PTPRD: variants seen among roughly 807,000 people sequenced by gnomAD.
PTPRD encodes the protein receptor-type tyrosine-protein phosphatase delta.
In PTPRD, 34 loss-of-function variants were observed where a neutral mutation model predicts 214.5. The observed-to-expected ratio is 0.16, with a 90% CI of 0.12 to 0.21. PTPRD has a LOEUF of 0.21. PTPRD is among the 10% of genes least tolerant of loss of function. The pLI is 1.00. For missense variants in PTPRD, 2,545 were observed against 2,398.7 expected (o/e 1.06, Z -1.27); for synonymous variants, 1,128 against 845.7 (o/e 1.33, Z -5.79).
At position 10,582,291 on chromosome 9, in the gene PTPRD, C is replaced by A. The variant is rs190850520; in HGVS notation, c.-600+30107G>T. Among the ~76,000 whole-genome samples, 512 of 152,162 alleles carry A rather than the reference C, an allele frequency of 3.4e-3. 4 individuals carry two copies. The highest frequency in any genetic ancestry group is 0.012 in the African/African-American group (480 of 41,508). On this transcript the variant is annotated intron_variant, in intron 2 of 45. Transcript: ENST00000381196. ...CTATACCGGACCTTGTTTTTTCATA[C>A]CTCTGTCCTCATATTTTCCTTTTCT...
chr9:10,117,322 G>C (rs2098738239), intron 3 of PTPRD, among the ~76,000 whole-genome samples: 2 of 152,062 alleles, frequency 1.3e-5, no homozygotes, highest in Admixed American at 6.6e-5. Context: ...TATTCCTTTA[G>C]CATACTTGTT....
chr9:10,156,688 T>C (rs72696934), intron 3 of PTPRD, among the ~76,000 whole-genome samples: 1 of 152,278 alleles, frequency 6.6e-6, no homozygotes, highest in Non-Finnish European at 1.5e-5. Flanking sequence ...TCAATATCTT[T>C]GTTAATTTTC....
chr9:8,709,459 G>C (rs2098280117), intron 12 of PTPRD, among the ~76,000 whole-genome samples: 1 of 145,462 alleles, frequency 6.9e-6, no homozygotes, highest in Admixed American at 7.1e-5. Context: ...AGCTTGCAGT[G>C]AGCCAAGATC....
At chr9:8,853,696 A>G (rs1047298822) in intron 11 of PTPRD, among the ~76,000 whole-genome samples, 5 of 152,202 alleles carry the variant, frequency 3.3e-5, no homozygotes, top group African/African-American at 1.2e-4. Flanking sequence ...GTTACATAGG[A>G]ATTCTCAATC....
chr9:10,264,204 G>C (rs932635661), intron 3 of PTPRD, among the ~76,000 whole-genome samples: 1 of 152,190 alleles, frequency 6.6e-6, no homozygotes, highest in Non-Finnish European at 1.5e-5. Flanking sequence ...CCCCCACATA[G>C]AGTCCCCACT....
At chr9:8,827,135 A>G (rs1318459429) in intron 11 of PTPRD, among the ~76,000 whole-genome samples, 2 of 151,586 alleles carry the variant, frequency 1.3e-5, no homozygotes, top group African/African-American at 2.4e-5. Flanking sequence ...TTCTGATAAA[A>G]TATTATCATA....
At chr9:8,509,749 T>C (rs2097636838) in intron 21 of PTPRD, among the ~76,000 whole-genome samples, 1 of 152,220 alleles carries the variant, frequency 6.6e-6, no homozygotes. Flanking sequence ...ACAAGCTTTG[T>C]CTGATCATCT....
intron 2 of PTPRD, among the ~76,000 whole-genome samples, chr9:10,419,945 A>T (rs2098530520): frequency 1.3e-5 from 2 of 151,832 alleles, no homozygotes; most frequent in Admixed American, 1.3e-4. Context: ...TCAGCTCCAC[A>T]ATTGCTCAAC....
Position 9,624,745 on chromosome 9 carries a change from G to A in PTPRD, c.-286-49964C>T, listed in dbSNP as rs1275435251. Among the ~76,000 whole-genome samples, 2 of 151,910 alleles carry A rather than the reference G, an allele frequency of 1.3e-5. 1 individual carries two copies. The highest frequency in any genetic ancestry group is 4.8e-5 in the African/African-American group (2 of 41,350). On this transcript the variant is annotated intron_variant, in intron 7 of 45. Coordinates refer to ENST00000381196, the MANE Select transcript of PTPRD (RefSeq NM_002839.4). The stretch of plus-strand genomic sequence containing the variant: ...ATATTATCAAACAGATGCAGATCTG[G>A]GGAGTTTCCAGCAGTCTCAGTTCTC...
intron 39 of PTPRD, among the ~76,000 whole-genome samples, chr9:8,351,225 T>C (rs946488674): frequency 1.3e-5 from 2 of 152,166 alleles, no homozygotes; most frequent in Non-Finnish European, 2.9e-5. Flanking sequence ...ACAATATATA[T>C]AACATAACAC....
At chr9:9,623,092 T>G (rs2154354047) in intron 7 of PTPRD, among the ~76,000 whole-genome samples, 1 of 152,370 alleles carries the variant, frequency 6.6e-6, no homozygotes. Flanking sequence ...AGAAGAGATT[T>G]ATAAATCCTT....
Position 8,470,976 on chromosome 9 carries a change from C to G in PTPRD, c.3504+19G>C, listed in dbSNP as rs767014202. ...ATTAAATAACGAATAAAAGACATGG[C>G]CAACAATGACACAGTTACCTCATCT... On this transcript the variant is annotated intron_variant, in intron 31 of 45. Transcript: ENST00000381196. 1.9e-6 allele frequency: 3 copies of G among 1,598,296 alleles called. No homozygotes were observed. Among genetic ancestry groups the G allele is most frequent in the Non-Finnish European group, 8.6e-7 (1 of 1,165,986 alleles).
At chr9:8,689,733 C>T (rs1162777430) in intron 12 of PTPRD, among the ~76,000 whole-genome samples, 2 of 152,060 alleles carry the variant, frequency 1.3e-5, no homozygotes, top group African/African-American at 2.4e-5. Flanking sequence ...GATGTAATAT[C>T]CTATTTGGTT....
intron 43 of PTPRD, among the ~76,000 whole-genome samples, chr9:8,333,012 G>C (rs1843001622): frequency 6.6e-6 from 1 of 150,810 alleles, no homozygotes; most frequent in South Asian, 2.1e-4. Context: ...GAAGAGAGAG[G>C]ATCTCAGTGT....
At chr9:8,964,083 T>A (rs978796057) in intron 11 of PTPRD, among the ~76,000 whole-genome samples, 4 of 151,268 alleles carry the variant, frequency 2.6e-5, no homozygotes, top group Admixed American at 6.6e-5. Context: ...CATAGAGGAG[T>A]CCCTCCTCCT....
chr9:9,341,283 C>A (rs1428822425), intron 9 of PTPRD, among the ~76,000 whole-genome samples: 1 of 152,106 alleles, frequency 6.6e-6, no homozygotes, highest in African/African-American at 2.4e-5. Context: ...TGACTCAGGG[C>A]CCTGAGATGA....
At chr9:10,246,534 C>T (rs2092137328) in intron 3 of PTPRD, among the ~76,000 whole-genome samples, 1 of 152,152 alleles carries the variant, frequency 6.6e-6, no homozygotes, top group Admixed American at 6.6e-5. Context: ...TGAGCCACCG[C>T]ACCTGGCCAA....
chr9:9,764,002 T>C (rs2098685878), intron 6 of PTPRD, among the ~76,000 whole-genome samples: 1 of 152,146 alleles, frequency 6.6e-6, no homozygotes, highest in Non-Finnish European at 1.5e-5. Flanking sequence ...GATTAAAATT[T>C]ATTTTATATT....
intron 2 of PTPRD, among the ~76,000 whole-genome samples, chr9:10,507,468 C>A (rs914335805): frequency 6.6e-6 from 1 of 151,992 alleles, no homozygotes; most frequent in African/African-American, 2.4e-5. Flanking sequence ...CATATGGAAC[C>A]AAAAAATAGC....
Sources: gnomAD v4.1 joint callset for allele counts (sites outside exome capture counted in the v4.1 genomes callset) on GRCh38, gnomAD v4.1.1 for gene constraint, MANE v1.5 for transcripts, NCBI Gene and HGNC (gene_info 2026-07-23, HGNC 2026-07-21) for gene names.